CEP192: variants seen among roughly 807,000 people sequenced by gnomAD.
CEP192 encodes the protein centrosomal protein of 192 kDa.
A neutral mutation model predicts 271.8 loss-of-function variants in CEP192; 151 were observed. The ratio of observed to expected loss-of-function variants is 0.56; its 90% confidence interval spans 0.49 to 0.64. CEP192 has a LOEUF of 0.64. Ranked by LOEUF, CEP192 falls within the 30% of genes least tolerant of loss-of-function variation. The pLI is 0.00. For missense variants in CEP192, 2,910 were observed against 3,020.5 expected, an observed-to-expected ratio of 0.96 and a Z score of 0.86; for synonymous variants, 995 against 1,076.5, an observed-to-expected ratio of 0.92 and a Z score of 1.48.
rs1181124652 is a variant in CEP192, at chr18:13,092,370, A to G, written c.6104-7A>G. The G allele has an allele frequency of 1.9e-6, 3 of 1,560,268 alleles. No individual in the cohort carries two copies. Among genetic ancestry groups the G allele is most frequent in the Admixed American group, 3.7e-5 (2 of 54,252 alleles). On this transcript the variant is annotated splice_region_variant and splice_polypyrimidine_tract_variant and intron_variant, in intron 33 of 44. Transcript: ENST00000506447. ...TCATGTATTTCAAACATTATTTTCT[A>G]TTTCAGTATATGATCTTCCCCAACG...
rs771906834 is a variant in CEP192 at position 13,116,418 on chromosome 18, A to G, written c.7331A>G (p.Asp2444Gly). 6.2e-7 allele frequency: 1 copy of G among 1,613,178 alleles called. No homozygotes were observed. The highest frequency in any genetic ancestry group is 1.1e-5 in the South Asian group (1 of 90,706). The change falls in exon 43 of 45, where the codon GAT becomes GGT. Residue 2444 changes from aspartate (D) to glycine (G), a missense_variant. Asp to Gly is a moderately conservative substitution (Grantham distance 94, BLOSUM62 -1). Coordinates refer to ENST00000506447, the MANE Select transcript of CEP192 (RefSeq NM_032142.4). ...GCTCGTGGAGTTTATGCCCCAGAGG[A>G]TGTGTACAGGTTCCGGCCGACTAGT... ...VTARGVYAPE[D>G]VYRFRPTSVG... is the part of the protein sequence containing the mutation.
intron 4 of CEP192, among the ~76,000 whole-genome samples, chr18:13,009,008 CTTTTTGTTTTTTT>C (rs1216003930): frequency 2.6e-5 from 3 of 113,546 alleles, no homozygotes; most frequent in African/African-American, 8.6e-5. Context: ...TGTGCCTGGC[CTTTTTGTTTTTTT>C]TTTTTTTTTT....
chr18:13,106,248 A>G (rs987060968), intron 40 of CEP192, among the ~76,000 whole-genome samples: 5 of 151,968 alleles, frequency 3.3e-5, no homozygotes, highest in Admixed American at 1.3e-4. Flanking sequence ...ACTCATCACT[A>G]CCATCACCGT....
At chr18:12,995,366 A>G (rs1417339126) in intron 1 of CEP192, among the ~76,000 whole-genome samples, 1 of 152,090 alleles carries the variant, frequency 6.6e-6, no homozygotes, top group Non-Finnish European at 1.5e-5. Context: ...GCCCGGCCTC[A>G]TGGGAGGATT....
rs61739747 is a variant in CEP192, at chr18:12,999,564, G to A, written c.140G>A (p.Arg47Lys). The A allele has an allele frequency of 1.8e-3, 2,841 of 1,550,050 alleles. 56 individuals carry two copies. In the African/African-American group the frequency reaches 0.035, roughly 19 times the overall value. The part of the protein sequence containing the change: ...GLPVAVSTLA[R>K]DRSSTDNRYP... ...CCTGTTGCTGTTTCTACACTTGCTA[G>A]GGATAGATCCAGCACTGATAACAGG... Residue 47 changes from arginine to lysine, a missense_variant, in exon 2 of 45, where the codon AGG becomes AAG. Transcript: ENST00000506447.
chr18:13,004,905 T>G (rs1297550627), intron 3 of CEP192, among the ~76,000 whole-genome samples: 2 of 152,112 alleles, frequency 1.3e-5, no homozygotes, highest in Non-Finnish European at 2.9e-5. Context: ...GATGTAAGAT[T>G]GGCCATGTAA....
At chr18:13,002,226 T>A (rs1235927845) in intron 3 of CEP192, among the ~76,000 whole-genome samples, 2 of 152,190 alleles carry the variant, frequency 1.3e-5, no homozygotes, top group African/African-American at 4.8e-5. Flanking sequence ...CATTTATGCC[T>A]TTAAATCTTC....
At chr18:13,121,955 T>C (rs1490620720) in intron 44 of CEP192, among the ~76,000 whole-genome samples, 4 of 152,284 alleles carry the variant, frequency 2.6e-5, no homozygotes, top group African/African-American at 7.2e-5. Context: ...TTGTATGTGC[T>C]AGTGTACTGG....
At chr18:13,074,211 TTAGG>T (rs1321700595) in intron 30 of CEP192, among the ~76,000 whole-genome samples, 2 of 152,198 alleles carry the variant, frequency 1.3e-5, no homozygotes, top group African/African-American at 4.8e-5. Context: ...GTTTTTAGAA[TTAGG>T]TATGTATGAC....
At chr18:13,006,787 C>G (rs781092278) in intron 3 of CEP192, among the ~76,000 whole-genome samples, 1 of 152,126 alleles carries the variant, frequency 6.6e-6, no homozygotes, top group Non-Finnish European at 1.5e-5. Flanking sequence ...AGGTTGGAGT[C>G]TTCAATTTTA....
intron 44 of CEP192, among the ~76,000 whole-genome samples, chr18:13,122,942 G>A (rs1386879394): frequency 6.6e-6 from 1 of 152,088 alleles, no homozygotes; most frequent in Non-Finnish European, 1.5e-5. Context: ...TTCTATAGCT[G>A]TATTAAATGT....
intron 30 of CEP192, among the ~76,000 whole-genome samples, chr18:13,084,827 T>TG (rs2038814445): frequency 6.6e-6 from 1 of 151,832 alleles, no homozygotes; most frequent in Admixed American, 6.6e-5. Flanking sequence ...TTCCTTTTTT[T>TG]TTTTGAGACA....
chr18:13,110,798 T>C (rs948449316), intron 40 of CEP192, among the ~76,000 whole-genome samples: 13 of 152,332 alleles, frequency 8.5e-5, no homozygotes, highest in Admixed American at 1.3e-4. Flanking sequence ...CAAACACTTA[T>C]GTAAATCCCA....
rs1447363818 is a variant in CEP192, at chr18:13,067,934, C to T, written c.4592C>T (p.Pro1531Leu). Residue 1531 changes from proline (P) to leucine (L), a missense_variant, in exon 22 of 45, where the codon CCA becomes CTA. Transcript: ENST00000506447. Reference protein sequence around the residue: ...KLINRTHATVPIRLIINANAV... With the variant: ...KLINRTHATVLIRLIINANAV... ...ATAAACCGAACGCATGCCACTGTGC[C>T]AATTAGACTGATTATTAATGCTGTA... 1.2e-6 allele frequency: 2 copies of T among 1,610,576 alleles called. No individual in the cohort carries two copies. Among genetic ancestry groups the T allele is most frequent in the African/African-American group, 1.3e-5 (1 of 74,870 alleles).
At position 13,103,585 on chromosome 18, in the gene CEP192, C is replaced by G; in HGVS notation, c.6948C>G (p.Val2316=). ...WHLSSLAPPY[V]KGVDESGDVF... Reference sequence around the variant, plus strand: ...TGTCATCTTTAGCGCCACCTTATGTCAAGGTCAGTCATGACTGCCTCAGAT... The same window carrying G: ...TGTCATCTTTAGCGCCACCTTATGTGAAGGTCAGTCATGACTGCCTCAGAT... The change falls in exon 39 of 45, where the codon GTC becomes GTG. Residue 2316 remains valine (V), a synonymous_variant. Transcript: ENST00000506447. 3 of 1,610,590 alleles carry G rather than the reference C, an allele frequency of 1.9e-6. No homozygotes were observed. The highest frequency in any genetic ancestry group is 2.5e-6 in the Non-Finnish European group (3 of 1,176,762).
chr18:13,014,457 A>C (rs767034590), intron 5 of CEP192, among the ~76,000 whole-genome samples: 7 of 152,204 alleles, frequency 4.6e-5, no homozygotes, highest in Non-Finnish European at 1.0e-4. Flanking sequence ...ATGGCAGAGT[A>C]CACAGTGTTC....
Position 13,089,433 on chromosome 18 carries a change from T to TA in CEP192, c.5994-14dup, listed in dbSNP as rs556981566. The TA allele has an allele frequency of 5.5e-4, 666 of 1,209,240 alleles. 3 individuals are homozygous for TA. Among genetic ancestry groups the TA allele is most frequent in the East Asian group, 3.6e-3 (150 of 41,834 alleles). 74.9% of individuals were successfully genotyped at this position (1,209,240 alleles called of 1,614,324 possible). On this transcript the variant is annotated intron_variant, in intron 32 of 44. Transcript: ENST00000506447. ...TATATATAACGTCACTTTTAAATAA[T>TA]AAAAAAAAATCTCTCCTGGCAGGGC...
Position 13,096,301 on chromosome 18 carries a change from C to T in CEP192, c.6551C>T (p.Ala2184Val), listed in dbSNP as rs756268173. 2.2e-5 allele frequency: 36 copies of T among 1,613,066 alleles called. No homozygotes were observed. In the East Asian group the frequency reaches 4.5e-4, roughly 20 times the overall value. ...GTCACGCCGCAGCATGGATGTGTCG[C>T]GCCAGAGTAAGTCTGACTTCTGTGT... ...LTVTPQHGCV[A>V]PESKLQILVS... The change falls in exon 36 of 45, where the codon GCG becomes GTG. Residue 2184 changes from alanine (A) to valine (V), a missense_variant. Transcript: ENST00000506447.
chr18:13,019,109 G>C lies in CEP192; in HGVS notation c.953G>C (p.Arg318Thr), dbSNP rs747781590. The change falls in exon 9 of 45, where the codon AGA becomes ACA. Residue 318 changes from arginine (R) to threonine (T), a missense_variant. Coordinates refer to ENST00000506447, the MANE Select transcript of CEP192 (RefSeq NM_032142.4). The stretch of plus-strand genomic sequence containing the variant: ...AATTCTATAGGTACTGGAGATAGTA[G>C]AAGGTACACAGATGGTATGTTACCA... ...TSNSIGTGDS[R>T]RYTDGMLPFS... is the part of the protein sequence containing the mutation. 1.9e-6 allele frequency: 3 copies of C among 1,539,746 alleles called. No individual in the cohort carries two copies. The South Asian group carries it at 3.7e-5, about 19-fold the overall frequency.
Sources: gnomAD v4.1 joint callset for allele counts (sites outside exome capture counted in the v4.1 genomes callset) on GRCh38, gnomAD v4.1.1 for gene constraint, MANE v1.5 for transcripts, NCBI Gene and HGNC (gene_info 2026-07-23, HGNC 2026-07-21) for gene names.